The following PCDHA3 variants were observed in gnomAD, a reference collection of about 807,000 sequenced individuals.
PCDHA3 encodes protocadherin alpha 3, also known as protocadherin alpha-3.
Under a neutral mutation model 62.2 loss-of-function variants are expected in PCDHA3, and 41 were observed. The ratio of observed to expected loss-of-function variants is 0.66; its 90% confidence interval spans 0.51 to 0.86. The LOEUF is 0.86. PCDHA3 is among the 40% of genes least tolerant of loss of function. The probability of loss-of-function intolerance (pLI) is 0.00; values close to 1 mark genes in which losing one functional copy is unlikely to be tolerated. For missense variants in PCDHA3, 1,304 were observed against 1,241.2 expected (o/e 1.05, Z -0.76); for synonymous variants, 640 against 555.4 (o/e 1.15, Z -2.14).
At chr5:140,839,335 G>T (rs923438912) in intron 1 of PCDHA3, among the ~76,000 whole-genome samples, 4 of 151,494 alleles carry the variant, frequency 2.6e-5, no homozygotes, top group Non-Finnish European at 4.4e-5. Flanking sequence ...ACCTGAAGTT[G>T]ATAGGGGATC....
intron 1 of PCDHA3, among the ~76,000 whole-genome samples, chr5:140,903,073 T>C (rs1181656778): frequency 6.6e-6 from 1 of 152,196 alleles, no homozygotes; most frequent in Admixed American, 6.5e-5. Context: ...TTTGGGTAGA[T>C]ACCTGATAGT....
intron 1 of PCDHA3, among the ~76,000 whole-genome samples, chr5:140,976,067 T>C (rs1554237245): frequency 6.6e-6 from 1 of 152,218 alleles, no homozygotes; most frequent in Non-Finnish European, 1.5e-5. Flanking sequence ...ATATATGTCT[T>C]ACTGTGTCAG....
intron 1 of PCDHA3, among the ~76,000 whole-genome samples, chr5:140,896,536 C>CT (rs34213614): frequency 0.32 from 46,252 of 145,528 alleles, 7,425 homozygotes; most frequent in East Asian, 0.53. Flanking sequence ...AGCTATTTTT[C>CT]TTTTTTTTTT....
chr5:140,905,248 C>T (rs143714633), intron 1 of PCDHA3, among the ~76,000 whole-genome samples: 1,610 of 152,202 alleles, frequency 0.011, 17 homozygotes, highest in African/African-American at 0.028. Flanking sequence ...TTCATTCTTC[C>T]ACATGAGGCT....
chr5:140,880,743 T>C (rs976006299), intron 1 of PCDHA3, among the ~76,000 whole-genome samples: 7 of 152,212 alleles, frequency 4.6e-5, no homozygotes, highest in African/African-American at 1.7e-4. Flanking sequence ...AAATGGATTG[T>C]CAGTGTAACT....
At chr5:140,955,477 C>T (rs1401684156) in intron 1 of PCDHA3, among the ~76,000 whole-genome samples, 2 of 152,128 alleles carry the variant, frequency 1.3e-5, no homozygotes, top group African/African-American at 4.8e-5. Context: ...CTTGGCACCT[C>T]TCCTTCCTGC....
At chr5:140,858,089 G>T in intron 1 of PCDHA3, 2 of 1,597,872 alleles carry the variant, frequency 1.3e-6, no homozygotes, top group East Asian at 2.2e-5. Flanking sequence ...CTCGTCGCGG[G>T]CTTCAGTGGG....
intron 1 of PCDHA3, among the ~76,000 whole-genome samples, chr5:140,912,129 A>C (rs2075781767): frequency 6.6e-6 from 1 of 152,156 alleles, no homozygotes; most frequent in Admixed American, 6.6e-5. Flanking sequence ...AGTCAGTCTA[A>C]TCTCTCCATG....
rs1554206132 is a variant in PCDHA3, at chr5:140,928,678, C to A, written c.2395-50271C>A. 3.1e-6 allele frequency: 5 copies of A among 1,614,192 alleles called. No individual in the cohort carries two copies. The East Asian group carries it at 1.1e-4, about 36-fold the overall frequency. ...TGCTGACAGTGGTTCTAATGCCTGGCTTTCCTACCACATCTCCCGGGCGTC... is the reference window on the plus strand; with the variant it reads ...TGCTGACAGTGGTTCTAATGCCTGGATTTCCTACCACATCTCCCGGGCGTC... On this transcript the variant is annotated intron_variant, in intron 1 of 3. Coordinates refer to ENST00000522353, the MANE Select transcript of PCDHA3 (RefSeq NM_018906.3).
chr5:140,823,130 C>T (rs2150122612), intron 1 of PCDHA3: 10 of 1,613,888 alleles, frequency 6.2e-6, no homozygotes, highest in African/African-American at 5.3e-5. Context: ...GACAACGCTC[C>T]GGCGTTCGCG....
chr5:140,868,895 G>A (rs782646284), intron 1 of PCDHA3: 198 of 777,068 alleles, frequency 2.5e-4, no homozygotes, highest in Admixed American at 3.7e-4. Flanking sequence ...TAGGCGCAAG[G>A]TGTCGCTCTT....
intron 1 of PCDHA3, among the ~76,000 whole-genome samples, chr5:140,935,284 A>G (rs576807866): frequency 6.6e-6 from 1 of 152,340 alleles, no homozygotes; most frequent in South Asian, 2.1e-4. Context: ...AATAAAGTTC[A>G]GCACTCCGAG....
At chr5:140,866,828 T>C (rs1260647763) in intron 1 of PCDHA3, 1 of 152,140 alleles carries the variant, frequency 6.6e-6, no homozygotes, top group East Asian at 1.9e-4. Flanking sequence ...CTTCAATTGA[T>C]TTTACAAAAT....
chr5:140,823,693 G>A, intron 1 of PCDHA3: 1 of 1,613,958 alleles, frequency 6.2e-7, no homozygotes, highest in Non-Finnish European at 8.5e-7. Context: ...GGATGAGACC[G>A]AAGCACCGCG....
At chr5:140,971,110 G>A (rs2096457221) in intron 1 of PCDHA3, among the ~76,000 whole-genome samples, 1 of 152,172 alleles carries the variant, frequency 6.6e-6, no homozygotes, top group Admixed American at 6.5e-5. Flanking sequence ...CTTTGGGATT[G>A]GGGTGGGCTA....
rs782401003 is a variant in PCDHA3, at chr5:140,858,196, C to T, written c.2394+54605C>T. 3 of 1,597,174 alleles carry T rather than the reference C, an allele frequency of 1.9e-6. No individual in the cohort carries two copies. The East Asian group carries it at 6.7e-5, about 36-fold the overall frequency. On this transcript the variant is annotated intron_variant, in intron 1 of 3. Coordinates refer to ENST00000522353, the MANE Select transcript of PCDHA3 (RefSeq NM_018906.3). ...TGCTGGTGCTCACGCTGCTGCTGTA[C>T]ACTGCACTGAGGTGCTCGGCGGCGC...
In PCDHA3 at chr5:141,011,040, A is replaced by G. The variant is rs1467029720; in HGVS notation, c.*1103A>G. On this transcript the variant is annotated 3_prime_UTR_variant, in exon 4 of 4. Transcript: ENST00000522353. ...AATCACAGCTTTACTCTTTCAGGTCACTCTGGGGCTGCCTCTTGCATGTAT... is the reference window on the plus strand; with the variant it reads ...AATCACAGCTTTACTCTTTCAGGTCGCTCTGGGGCTGCCTCTTGCATGTAT... 1 of 153,602 alleles carries G rather than the reference A, an allele frequency of 6.5e-6. No homozygotes were observed. The highest frequency in any genetic ancestry group is 2.4e-5 in the African/African-American group (1 of 41,374). The allele number at this position is 153,602 out of a possible 1,614,324, so 9.5% of individuals were successfully genotyped here.
At chr5:140,871,049 T>A in intron 1 of PCDHA3, 4 of 1,613,302 alleles carry the variant, frequency 2.5e-6, no homozygotes, top group Non-Finnish European at 3.4e-6. Flanking sequence ...CTTCTAGTAC[T>A]GGTGAAGGAT....
At chr5:140,928,760 T>G (rs782568767) in intron 1 of PCDHA3, 6 of 1,614,060 alleles carry the variant, frequency 3.7e-6, no homozygotes, top group Non-Finnish European at 5.1e-6. Flanking sequence ...ACTGCTCGCT[T>G]AGTTCTTCCC....
Sources: gnomAD v4.1 joint callset for allele counts (sites outside exome capture counted in the v4.1 genomes callset) on GRCh38, gnomAD v4.1.1 for gene constraint, MANE v1.5 for transcripts, NCBI Gene and HGNC (gene_info 2026-07-23, HGNC 2026-07-21) for gene names.